MCTP1: variants seen among roughly 807,000 people sequenced by gnomAD.
MCTP1 encodes the protein multiple C2 and transmembrane domain containing 1.
In MCTP1, 69 loss-of-function variants were observed where a neutral mutation model predicts 120.6. That is an observed-to-expected ratio of 0.57 (90% CI 0.47 to 0.70). MCTP1 has a LOEUF of 0.70. MCTP1 is among the 30% of genes least tolerant of loss of function. MCTP1 has a pLI of 0.00. For missense variants in MCTP1, 1,203 were observed against 1,248.8 expected, an observed-to-expected ratio of 0.96 and a Z score of 0.55; for synonymous variants, 529 against 493.1, an observed-to-expected ratio of 1.07 and a Z score of -0.96.
At chr5:94,960,642 C>T (rs143743972) in intron 2 of MCTP1, among the ~76,000 whole-genome samples, 24 of 152,154 alleles carry the variant, frequency 1.6e-4, no homozygotes, top group Admixed American at 5.9e-4. Context: ...AAGACATTGA[C>T]GTGGCCAAGA....
chr5:95,262,748 G>A (rs576270465), intron 1 of MCTP1, among the ~76,000 whole-genome samples: 7 of 151,722 alleles, frequency 4.6e-5, no homozygotes, highest in East Asian at 3.9e-4. Flanking sequence ...TTAGCCCCTC[G>A]AGATATTACT....
Position 94,805,724 on chromosome 5 carries a change from T to A in MCTP1, c.2437-6592A>T, listed in dbSNP as rs11953344. 1.9e-3 allele frequency among the ~76,000 whole-genome samples: 281 copies of A among 151,486 alleles called. 2 individuals carry two copies. Among genetic ancestry groups the A allele is most frequent in the African/African-American group, 6.5e-3 (268 of 41,206 alleles). On this transcript the variant is annotated intron_variant, in intron 17 of 22. Coordinates refer to ENST00000515393, the MANE Select transcript of MCTP1 (RefSeq NM_024717.7). ...AAGGAAAAAGTCCTGAGAGGCAGAC[T>A]GGGAGGGCAGGGACTATTACCTTCC...
At chr5:94,898,613 A>G (rs1173210488) in intron 10 of MCTP1, among the ~76,000 whole-genome samples, 1 of 152,244 alleles carries the variant, frequency 6.6e-6, no homozygotes, top group African/African-American at 2.4e-5. Flanking sequence ...TACTGTTTGA[A>G]TATAGAAGTA....
At chr5:94,929,077 A>T (rs1205515229) in intron 6 of MCTP1, among the ~76,000 whole-genome samples, 1 of 152,214 alleles carries the variant, frequency 6.6e-6, no homozygotes, top group East Asian at 1.9e-4. Context: ...TGCTTAAGGA[A>T]CAGGAAATTC....
chr5:94,924,180 G>A (rs952664213), intron 6 of MCTP1, among the ~76,000 whole-genome samples, 159 bp from the exon 7 acceptor site: 1 of 151,996 alleles, frequency 6.6e-6, no homozygotes, highest in African/African-American at 2.4e-5. Context: ...CTTCCCTTGA[G>A]TAAATTAAAA....
rs1028636593 is a variant in MCTP1 at position 95,242,247 on chromosome 5, C to T, written c.720+41609G>A. Among the ~76,000 whole-genome samples, 4 of 151,552 alleles carry T rather than the reference C, an allele frequency of 2.6e-5. No individual in the cohort carries two copies. In the South Asian group the frequency reaches 6.3e-4, roughly 24 times the overall value. On this transcript the variant is annotated intron_variant, in intron 1 of 22. Coordinates refer to ENST00000515393, the MANE Select transcript of MCTP1 (RefSeq NM_024717.7). ...TTTTGTGTTTCCTACTTATTTCTGG[C>T]GAGGGATTACTAAAAAGAGAGAAAT...
At chr5:95,221,851 G>A (rs1753734016) in intron 1 of MCTP1, among the ~76,000 whole-genome samples, 1 of 152,120 alleles carries the variant, frequency 6.6e-6, no homozygotes, top group Non-Finnish European at 1.5e-5. Context: ...TCCAACACAT[G>A]AAATCTTACT....
chr5:94,732,356 TGTTA>T (rs1247973974), intron 19 of MCTP1, among the ~76,000 whole-genome samples: 1 of 152,106 alleles, frequency 6.6e-6, no homozygotes, highest in Non-Finnish European at 1.5e-5. Context: ...CATTAGCTGT[TGTTA>T]GTGTTATTGT....
chr5:94,938,001 G>A (rs535274195), intron 5 of MCTP1, among the ~76,000 whole-genome samples: 1 of 152,118 alleles, frequency 6.6e-6, no homozygotes, highest in Admixed American at 6.6e-5. Flanking sequence ...ACCAAGTCTT[G>A]TTGATTTTTA....
At chr5:95,085,639 ACACCTT>A (rs1755375499) in intron 1 of MCTP1, among the ~76,000 whole-genome samples, 2 of 152,048 alleles carry the variant, frequency 1.3e-5, no homozygotes, top group Admixed American at 1.3e-4. Context: ...TACGATATGC[ACACCTT>A]CACCTTTACT....
intron 2 of MCTP1, among the ~76,000 whole-genome samples, chr5:95,013,053 C>T (rs1192470028): frequency 6.6e-6 from 1 of 152,208 alleles, no homozygotes; most frequent in African/African-American, 2.4e-5. Flanking sequence ...CTGCAGTGAA[C>T]ACATGAATAA....
Position 95,072,081 on chromosome 5 carries a change from C to CTGTGTGTGTGTGTGTGTGTG in MCTP1, c.721-54617_721-54598dup, listed in dbSNP as rs56135843. Among the ~76,000 whole-genome samples the CTGTGTGTGTGTGTGTGTGTG allele has an allele frequency of 7.8e-3, 1,120 of 143,828 alleles. 19 individuals are homozygous for CTGTGTGTGTGTGTGTGTGTG. Among genetic ancestry groups the CTGTGTGTGTGTGTGTGTGTG allele is most frequent in the African/African-American group, 0.023 (884 of 38,734 alleles). The allele number at this position is 143,828 out of a possible 152,430, so 94.4% of individuals were successfully genotyped here. A position where few individuals can be genotyped will look rare whatever the true frequency, so the allele number is the denominator to read the frequency against. ...CTAATATGAAACAATGCCAATTTTCCTGTGTGTGTGTGTGTGTGTGTGTGT... is the reference window on the plus strand; with the variant it reads ...CTAATATGAAACAATGCCAATTTTCCTGTGTGTGTGTGTGTGTGTGTGTGTGTGTGTGTGTGTGTGTGTGT... On this transcript the variant is annotated intron_variant, in intron 1 of 22. Coordinates refer to ENST00000515393, the MANE Select transcript of MCTP1 (RefSeq NM_024717.7).
chr5:94,738,373 C>T (rs558218329), intron 19 of MCTP1, among the ~76,000 whole-genome samples: 2 of 152,174 alleles, frequency 1.3e-5, no homozygotes, highest in South Asian at 4.1e-4. Context: ...AATTTGTTTG[C>T]AATACATTCA....
At chr5:94,823,021 T>C (rs1439130919) in intron 17 of MCTP1, among the ~76,000 whole-genome samples, 1 of 152,224 alleles carries the variant, frequency 6.6e-6, no homozygotes, top group Middle Eastern at 3.2e-3. Flanking sequence ...TGATGATAGA[T>C]TCTTTTGCTG....
At position 94,881,894 on chromosome 5, in the gene MCTP1, T is replaced by G. The variant is rs558807787; in HGVS notation, c.1933+6985A>C. 1.8e-4 allele frequency among the ~76,000 whole-genome samples: 28 copies of G among 152,308 alleles called. No individual in the cohort carries two copies. In the East Asian group the frequency reaches 5.4e-3, roughly 29 times the overall value. ...GAAAATATATTCTGGTTAGTCAATG[T>G]CCTTCTTTAAAGAGTATTCACAAAC... is the stretch of plus-strand genomic sequence containing the variant. On this transcript the variant is annotated intron_variant, in intron 12 of 22. Coordinates refer to ENST00000515393, the MANE Select transcript of MCTP1 (RefSeq NM_024717.7).
At chr5:94,906,949 T>C (rs747524068) in intron 10 of MCTP1, among the ~76,000 whole-genome samples, 85 of 152,322 alleles carry the variant, frequency 5.6e-4, no homozygotes, top group Admixed American at 1.2e-3. Flanking sequence ...CAGATGATTA[T>C]GATGACAGTT....
chr5:95,053,566 C>T (rs951336584), intron 1 of MCTP1, among the ~76,000 whole-genome samples: 6 of 152,000 alleles, frequency 3.9e-5, no homozygotes, highest in African/African-American at 1.5e-4. Context: ...ATTGACAGAC[C>T]GCAATTTGAG....
chr5:94,963,629 G>A (rs1272631392), intron 2 of MCTP1, among the ~76,000 whole-genome samples: 1 of 151,742 alleles, frequency 6.6e-6, no homozygotes, highest in Non-Finnish European at 1.5e-5. Context: ...CTCTATTTTG[G>A]TCCTTTGCCA....
At chr5:94,915,121 T>C (rs543774045) in intron 8 of MCTP1, among the ~76,000 whole-genome samples, 1 of 152,330 alleles carries the variant, frequency 6.6e-6, no homozygotes, top group African/African-American at 2.4e-5. Context: ...AGCTGCCAAC[T>C]TATATAGAGC....
Sources: gnomAD v4.1 joint callset for allele counts (sites outside exome capture counted in the v4.1 genomes callset) on GRCh38, gnomAD v4.1.1 for gene constraint, MANE v1.5 for transcripts, NCBI Gene and HGNC (gene_info 2026-07-23, HGNC 2026-07-21) for gene names.